SNX29: variants seen among roughly 807,000 people sequenced by gnomAD.
The protein encoded by SNX29 is sorting nexin-29.
Under a neutral mutation model 102.1 loss-of-function variants are expected in SNX29, and 78 were observed. The ratio of observed to expected loss-of-function variants is 0.76; its 90% CI spans 0.64 to 0.92. SNX29 has a LOEUF of 0.92. Among genes scored for constraint, SNX29 ranks in the 40% least tolerant of loss-of-function variants. The pLI, the probability that SNX29 is intolerant of heterozygous loss-of-function variation, is 0.00. For synonymous variants in SNX29, 580 were observed against 414.5 expected, an observed-to-expected ratio of 1.40 and a Z score of -4.85; for missense variants, 1,280 against 1,061.7, an observed-to-expected ratio of 1.21 and a Z score of -2.86.
intron 14 of SNX29, among the ~76,000 whole-genome samples, chr16:12,275,383 T>C (rs1232902040): frequency 6.6e-6 from 1 of 152,214 alleles, no homozygotes; most frequent in Non-Finnish European, 1.5e-5. Context: ...TACCCTAACC[T>C]CAACTCAGTC....
At chr16:12,153,096 G>T (rs2055369052) in intron 13 of SNX29, among the ~76,000 whole-genome samples, 1 of 152,158 alleles carries the variant, frequency 6.6e-6, no homozygotes, top group South Asian at 2.1e-4. Context: ...TTTAGTCAAG[G>T]ATAATAATTG....
intron 13 of SNX29, among the ~76,000 whole-genome samples, chr16:12,174,202 A>C (rs1268879426): frequency 6.6e-6 from 1 of 152,196 alleles, no homozygotes. Flanking sequence ...TCCCTGGTGC[A>C]CTACTGGTAT....
intron 14 of SNX29, among the ~76,000 whole-genome samples, chr16:12,239,714 G>A (rs970583789): frequency 8.6e-5 from 13 of 151,274 alleles, no homozygotes; most frequent in Admixed American, 5.3e-4. Flanking sequence ...CAGCTACTCG[G>A]GAGGCTGAGG....
intron 19 of SNX29, among the ~76,000 whole-genome samples, chr16:12,496,548 T>C (rs2151880266): frequency 6.7e-6 from 1 of 149,142 alleles, no homozygotes; most frequent in South Asian, 2.1e-4. Flanking sequence ...TCTTGCTCTG[T>C]TTCCCAGGCT....
At chr16:12,092,966 G>T (rs958865150) in intron 11 of SNX29, among the ~76,000 whole-genome samples, 1 of 152,194 alleles carries the variant, frequency 6.6e-6, no homozygotes, top group Non-Finnish European at 1.5e-5. Flanking sequence ...CCAGGTGTTG[G>T]CCGATGTGGG....
chr16:12,145,988 A>C (rs1358095569), intron 13 of SNX29, among the ~76,000 whole-genome samples: 1 of 152,216 alleles, frequency 6.6e-6, no homozygotes, highest in Non-Finnish European at 1.5e-5. Flanking sequence ...AAGGCTCTTG[A>C]TCTTGTGTTA....
chr16:12,140,047 A>C (rs2054816177), intron 13 of SNX29, among the ~76,000 whole-genome samples: 1 of 152,026 alleles, frequency 6.6e-6, no homozygotes. Context: ...TAGGTGACAG[A>C]AACCCACCCT....
chr16:12,035,705 A>G (rs2057454472), intron 4 of SNX29, among the ~76,000 whole-genome samples: 1 of 151,176 alleles, frequency 6.6e-6, no homozygotes, highest in African/African-American at 2.4e-5. Flanking sequence ...GTGCCCTCAC[A>G]TTCATCCCTC....
At chr16:12,195,645 C>T (rs1461674456) in intron 13 of SNX29, among the ~76,000 whole-genome samples, 9 of 152,220 alleles carry the variant, frequency 5.9e-5, no homozygotes, top group East Asian at 1.9e-4. Flanking sequence ...CGTTTTCTCA[C>T]GCAATTTTTC....
At chr16:12,174,224 G>A (rs930218611) in intron 13 of SNX29, among the ~76,000 whole-genome samples, 6 of 152,220 alleles carry the variant, frequency 3.9e-5, no homozygotes, top group Non-Finnish European at 7.3e-5. Context: ...ACAGAGCAGT[G>A]TCTCCTGGGA....
chr16:12,491,017 C>G (rs560258613), intron 19 of SNX29, among the ~76,000 whole-genome samples: 1 of 152,204 alleles, frequency 6.6e-6, no homozygotes, highest in Non-Finnish European at 1.5e-5. Flanking sequence ...GATACTTATT[C>G]TTTATGTAGC....
intron 15 of SNX29, among the ~76,000 whole-genome samples, chr16:12,341,080 C>T (rs999371398): frequency 1.3e-5 from 2 of 152,214 alleles, no homozygotes; most frequent in Non-Finnish European, 2.9e-5. Flanking sequence ...AGAAGAGTGT[C>T]TGGCCTGTGG....
intron 5 of SNX29, among the ~76,000 whole-genome samples, chr16:12,045,524 C>G (rs572178108): frequency 3.2e-4 from 49 of 152,088 alleles, no homozygotes; most frequent in African/African-American, 1.1e-3. Context: ...ACCCCAACTG[C>G]CATCTATATT....
chr16:12,090,609 C>A (rs933936576), intron 11 of SNX29, among the ~76,000 whole-genome samples: 1 of 152,180 alleles, frequency 6.6e-6, no homozygotes, highest in Admixed American at 6.5e-5. Flanking sequence ...GCCTGGTTTC[C>A]CATTTCCATC....
intron 19 of SNX29, among the ~76,000 whole-genome samples, chr16:12,482,253 ATTTC>A (rs775490620): frequency 9.9e-5 from 15 of 151,908 alleles, no homozygotes; most frequent in Non-Finnish European, 2.1e-4. Context: ...GATTTAATTA[ATTTC>A]TTTCTCCTTT....
chr16:12,430,829 G>A (rs1273447651), intron 18 of SNX29, among the ~76,000 whole-genome samples: 1 of 151,812 alleles, frequency 6.6e-6, no homozygotes, highest in African/African-American at 2.4e-5. Flanking sequence ...AAGCTTCCAG[G>A]AGGGGGTGAT....
intron 20 of SNX29, among the ~76,000 whole-genome samples, chr16:12,565,576 C>T (rs1030442123): frequency 3.9e-5 from 6 of 152,106 alleles, no homozygotes; most frequent in Non-Finnish European, 7.4e-5. Flanking sequence ...TACTGTCACA[C>T]CCTCAACCAC....
chr16:12,571,333 A>C lies in SNX29; in HGVS notation c.*2704A>C. The C allele has an allele frequency of 2.2e-5, 5 of 231,574 alleles. No homozygotes were observed. The highest frequency in any genetic ancestry group is 4.3e-5 in the Non-Finnish European group (5 of 117,020). The allele number at this position is 231,574 out of a possible 1,614,324, so 14.3% of individuals were successfully genotyped here. ...GTCAACTGCCTGTCAGCCTGGATTC[A>C]ATTCTGAGGGCTAAGCCACGACCTT... is the stretch of plus-strand genomic sequence containing the variant. On this transcript the variant is annotated 3_prime_UTR_variant, in exon 21 of 21. Transcript: ENST00000566228.
intron 14 of SNX29, among the ~76,000 whole-genome samples, chr16:12,224,389 C>G (rs542962711): frequency 1.2e-4 from 18 of 152,222 alleles, no homozygotes; most frequent in African/African-American, 4.1e-4. Context: ...ATGATGCAGA[C>G]CTGAGACATG....
Sources: gnomAD v4.1 joint callset for allele counts (sites outside exome capture counted in the v4.1 genomes callset) on GRCh38, gnomAD v4.1.1 for gene constraint, MANE v1.5 for transcripts, NCBI Gene and HGNC (gene_info 2026-07-23, HGNC 2026-07-21) for gene names.